The following LMF1 variants were observed in gnomAD, a reference collection of about 807,000 sequenced individuals.
LMF1 encodes the protein transmembrane protein 112.
Under a neutral mutation model 60.6 loss-of-function variants are expected in LMF1, and 68 were observed. The observed-to-expected ratio is 1.12, with a 90% CI of 0.92 to 1.37. LMF1 has a LOEUF of 1.37. Ranked by LOEUF, LMF1 falls within the 40% of genes most tolerant of loss-of-function variation. LMF1 has a pLI of 0.00. For missense variants in LMF1, 948 were observed against 767.2 expected (o/e 1.24, Z -2.78); for synonymous variants, 418 against 324.7 (o/e 1.29, Z -3.09).
At chr16:917,439 G>A (rs1370037208) in intron 3 of LMF1, among the ~76,000 whole-genome samples, 1 of 144,482 alleles carries the variant, frequency 6.9e-6, no homozygotes, top group Non-Finnish European at 1.5e-5. Context: ...CGCTGCGGGC[G>A]GGCGCAGGCC....
chr16:865,382 G>A (rs546052478), intron 10 of LMF1, among the ~76,000 whole-genome samples: 13 of 152,130 alleles, frequency 8.5e-5, no homozygotes, highest in East Asian at 1.9e-4. Flanking sequence ...ATTGAGTCTC[G>A]CTCTGTTGCC....
intron 1 of LMF1, among the ~76,000 whole-genome samples, chr16:977,738 G>C (rs890475434): frequency 6.6e-6 from 1 of 151,990 alleles, no homozygotes; most frequent in African/African-American, 2.4e-5. Flanking sequence ...GGGAAGGACG[G>C]AGAGGGAGGG....
intron 2 of LMF1, among the ~76,000 whole-genome samples, chr16:950,286 ACAATGACAAAGTCAGC>A (rs1350421464): frequency 9.3e-6 from 1 of 107,628 alleles, no homozygotes; most frequent in East Asian, 2.6e-4. Flanking sequence ...AGAGTCAGAG[ACAATGACAAAGTCAGC>A]CAATGACAGA....
At chr16:876,072 C>G (rs1247416792) in intron 6 of LMF1, among the ~76,000 whole-genome samples, 1 of 152,258 alleles carries the variant, frequency 6.6e-6, no homozygotes, top group African/African-American at 2.4e-5. Context: ...TCAGCACAAC[C>G]CTCCTTGTGC....
Position 922,814 on chromosome 16 carries a change from GT to G in LMF1, c.514+11429del, listed in dbSNP as rs764372314. Among the ~76,000 whole-genome samples, 21 of 108,810 alleles carry G rather than the reference GT, an allele frequency of 1.9e-4. No individual in the cohort carries two copies. In the South Asian group the frequency reaches 2.3e-3, roughly 12 times the overall value. 71.4% of individuals were successfully genotyped at this position (108,810 alleles called of 152,430 possible). ...TTTTCGGGTGTGATGTGGTGTTGGCGTCGTGTTGTTGCGAAGGCCCTGTGTG... is the reference window on the plus strand; with the variant it reads ...TTTTCGGGTGTGATGTGGTGTTGGCGCGTGTTGTTGCGAAGGCCCTGTGTG... On this transcript the variant is annotated intron_variant, in intron 3 of 10. Coordinates refer to ENST00000262301, the MANE Select transcript of LMF1 (RefSeq NM_022773.4).
intron 1 of LMF1, among the ~76,000 whole-genome samples, chr16:966,954 C>G (rs984719274): frequency 6.6e-6 from 1 of 152,252 alleles, no homozygotes; most frequent in African/African-American, 2.4e-5. Context: ...TGTACATATA[C>G]TATGTGACTC....
Position 888,646 on chromosome 16 carries a change from C to T in LMF1, c.729+4361G>A, listed in dbSNP as rs539934068. On this transcript the variant is annotated intron_variant, in intron 5 of 10. Coordinates refer to ENST00000262301, the MANE Select transcript of LMF1 (RefSeq NM_022773.4). ...CGCTCCGATGTGGGGACCGCAGCAA[C>T]CCTCCCCACAGCCTGCTGCATTCTG... is the stretch of plus-strand genomic sequence containing the variant. 2.0e-5 allele frequency among the ~76,000 whole-genome samples: 3 copies of T among 152,384 alleles called. No individual in the cohort carries two copies. The South Asian group carries it at 6.2e-4, about 32-fold the overall frequency.
chr16:880,080 G>A (rs1446258991), intron 5 of LMF1, among the ~76,000 whole-genome samples: 4 of 152,190 alleles, frequency 2.6e-5, no homozygotes, highest in Middle Eastern at 3.2e-3. Flanking sequence ...CGGAGAACGC[G>A]CCGCCTGCTG....
rs1440418947 is a variant in LMF1, at chr16:948,841, C to A, written c.503+5516G>T. On this transcript the variant is annotated intron_variant, in intron 2 of 10. Coordinates refer to ENST00000262301, the MANE Select transcript of LMF1 (RefSeq NM_022773.4). ...GAGTCAGCCAACGACAGAGTCAGAG[C>A]CAACGACAGAGTCAGCCAACGACAG... Among the ~76,000 whole-genome samples the A allele has an allele frequency of 4.0e-4, 28 of 70,778 alleles. 1 individual carries two copies. Among genetic ancestry groups the A allele is most frequent in the East Asian group, 8.5e-4 (2 of 2,348 alleles). The allele number at this position is 70,778 out of a possible 152,430, so 46.4% of individuals were successfully genotyped here. A position where few individuals can be genotyped will look rare whatever the true frequency, so the allele number is the denominator to read the frequency against.
chr16:913,530 C>T (rs530637740), intron 3 of LMF1, among the ~76,000 whole-genome samples: 15 of 152,300 alleles, frequency 9.8e-5, no homozygotes, highest in Non-Finnish European at 1.5e-4. Context: ...GATGCTGGTG[C>T]GGAGGAAATG....
At position 882,827 on chromosome 16, in the gene LMF1, G is replaced by A. The variant is rs2070199542; in HGVS notation, c.730-3090C>T. Among the ~76,000 whole-genome samples the A allele has an allele frequency of 2.0e-5, 3 of 150,626 alleles. No individual in the cohort carries two copies. In the South Asian group the frequency reaches 6.4e-4, roughly 32 times the overall value. ...GAGCCGGCGGCAGAGCCTATCACAG[G>A]ACCAGGAGAAAGAGAAGCCGCCCAG... On this transcript the variant is annotated intron_variant, in intron 5 of 10. Coordinates refer to ENST00000262301, the MANE Select transcript of LMF1 (RefSeq NM_022773.4).
At chr16:862,643 A>T (rs1470012309) in intron 10 of LMF1, among the ~76,000 whole-genome samples, 1 of 152,098 alleles carries the variant, frequency 6.6e-6, no homozygotes, top group Non-Finnish European at 1.5e-5. Context: ...GGACTGCCTG[A>T]GCCCAGGAGT....
intron 3 of LMF1, among the ~76,000 whole-genome samples, chr16:915,071 C>T (rs11639898): frequency 6.9e-4 from 105 of 152,334 alleles, no homozygotes; most frequent in Non-Finnish European, 1.2e-3. Context: ...TTCACCATCT[C>T]GTGCTCGCTT....
In LMF1 at chr16:854,426, C is replaced by T; in HGVS notation, c.*106G>A. The T allele has an allele frequency of 3.4e-6, 4 of 1,172,080 alleles. No homozygotes were observed. The highest frequency in any genetic ancestry group is 4.9e-6 in the Non-Finnish European group (4 of 821,464). The allele number at this position is 1,172,080 out of a possible 1,614,324, so 72.6% of individuals were successfully genotyped here. ...GGGGGCTGGGTCCCACCGCTCTCCTCTCCACGTCTCTCTTGGCGATGCCCA... is the reference window on the plus strand; with the variant it reads ...GGGGGCTGGGTCCCACCGCTCTCCTTTCCACGTCTCTCTTGGCGATGCCCA... On this transcript the variant is annotated 3_prime_UTR_variant, in exon 11 of 11. Coordinates refer to ENST00000262301, the MANE Select transcript of LMF1 (RefSeq NM_022773.4).
chr16:876,276 T>G (rs1271941185), intron 6 of LMF1, among the ~76,000 whole-genome samples: 1 of 152,176 alleles, frequency 6.6e-6, no homozygotes. Flanking sequence ...GGCTGCACAA[T>G]GCTTCCCACT....
At position 893,022 on chromosome 16, in the gene LMF1, C is replaced by G. The variant is rs1475433901; in HGVS notation, c.714G>C (p.Met238Ile). 1.3e-6 allele frequency: 2 copies of G among 1,550,746 alleles called. No homozygotes were observed. The highest frequency in any genetic ancestry group is 2.7e-5 in the African/African-American group (2 of 73,060). The change falls in exon 5 of 11, where the codon ATG (methionine) becomes ATC (isoleucine). Residue 238 changes from methionine (M) to isoleucine (I), a missense_variant. By Grantham distance (10) the Met-to-Ile change is conservative. Transcript: ENST00000262301. Reference protein sequence around the residue: ...GDRCWRDLTCMDFHYETQPMP... With the variant: ...GDRCWRDLTCIDFHYETQPMP... The stretch of plus-strand genomic sequence containing the variant: ...GCACGCTCACCTCATAGTGGAAGTC[C>G]ATGCAGGTGAGGTCTCGCCAGCACC...
chr16:890,417 C>G (rs899128447), intron 5 of LMF1, among the ~76,000 whole-genome samples: 8 of 152,186 alleles, frequency 5.3e-5, no homozygotes, highest in Non-Finnish European at 1.2e-4. Context: ...TGGAAGGAGC[C>G]GGCCCGGCCC....
At chr16:929,342 G>A (rs1427128011) in intron 3 of LMF1, among the ~76,000 whole-genome samples, 1 of 152,244 alleles carries the variant, frequency 6.6e-6, no homozygotes, top group Non-Finnish European at 1.5e-5. Context: ...GCGCCCCATG[G>A]GGGACGGGGA....
chr16:863,594 C>CTAT (rs2069531794), intron 10 of LMF1, among the ~76,000 whole-genome samples: 1 of 152,194 alleles, frequency 6.6e-6, no homozygotes. Context: ...CTGCTTTTTA[C>CTAT]TATTTTCTTA....
Sources: allele counts gnomAD v4.1 joint callset (sites outside exome capture counted in the v4.1 genomes callset), GRCh38; gene constraint gnomAD v4.1.1; transcripts MANE v1.5; gene names NCBI Gene and HGNC (gene_info 2026-07-23, HGNC 2026-07-21).